Variants in PDGFC observed in about 807,000 individuals in gnomAD.
PDGFC encodes platelet derived growth factor C.
PDGFC carries 12 observed loss-of-function variants against 35.5 expected under a neutral mutation model. The ratio of observed to expected loss-of-function variants is 0.34; its 90% confidence interval spans 0.22 to 0.55. The LOEUF (loss-of-function observed/expected upper bound fraction) is 0.55. PDGFC is among the 20% of genes least tolerant of loss of function. The probability of loss-of-function intolerance (pLI) is 0.91; values close to 1 mark genes in which losing one functional copy is unlikely to be tolerated. For missense variants in PDGFC, 322 were observed against 412.4 expected (o/e 0.78, Z 1.90); for synonymous variants, 159 against 148.8 (o/e 1.07, Z -0.50).
chr4:156,925,851 G>C (rs750959380), intron 1 of PDGFC, among the ~76,000 whole-genome samples: 30 of 151,290 alleles, frequency 2.0e-4, no homozygotes, highest in Non-Finnish European at 2.7e-4. Context: ...AGTAGTTTGA[G>C]ACCAGCCTGG....
chr4:156,908,642 A>G (rs949801476), intron 1 of PDGFC, among the ~76,000 whole-genome samples: 1 of 152,166 alleles, frequency 6.6e-6, no homozygotes, highest in African/African-American at 2.4e-5. Context: ...AATCCTTTCA[A>G]TGACCTCTTT....
chr4:156,947,917 A>G (rs897321411), intron 1 of PDGFC, among the ~76,000 whole-genome samples: 8 of 151,984 alleles, frequency 5.3e-5, no homozygotes, highest in African/African-American at 1.9e-4. Context: ...TGGTTGACGG[A>G]CATTCTATGC....
At chr4:156,813,977 G>A (rs1250502614) in intron 2 of PDGFC, among the ~76,000 whole-genome samples, 1 of 152,062 alleles carries the variant, frequency 6.6e-6, no homozygotes, top group Non-Finnish European at 1.5e-5. Flanking sequence ...CTACACCCCA[G>A]GCACATAGTA....
chr4:156,865,733 T>TC (rs1337446084), intron 1 of PDGFC, among the ~76,000 whole-genome samples: 1 of 152,200 alleles, frequency 6.6e-6, no homozygotes, highest in Non-Finnish European at 1.5e-5. Context: ...AGGCATAGAT[T>TC]GATGACAAAG....
intron 1 of PDGFC, among the ~76,000 whole-genome samples, chr4:156,891,783 G>A (rs535144259): frequency 6.6e-6 from 1 of 152,290 alleles, no homozygotes; most frequent in Admixed American, 6.5e-5. Flanking sequence ...GTGACTACAG[G>A]TAGCTGGCTT....
At chr4:156,924,173 C>T (rs948759920) in intron 1 of PDGFC, among the ~76,000 whole-genome samples, 1 of 152,140 alleles carries the variant, frequency 6.6e-6, no homozygotes, top group Non-Finnish European at 1.5e-5. Flanking sequence ...CTGCAAAGCG[C>T]TCCATATAAA....
chr4:156,850,448 T>A, intron 1 of PDGFC, 32 bp from the exon 2 acceptor site: 1 of 1,310,156 alleles, frequency 7.6e-7, no homozygotes, highest in Non-Finnish European at 1.1e-6. Flanking sequence ...TAGACATACA[T>A]TTAGATTTCA....
intron 1 of PDGFC, among the ~76,000 whole-genome samples, chr4:156,917,250 T>C (rs1731174221): frequency 2.6e-5 from 4 of 152,140 alleles, no homozygotes; most frequent in Admixed American, 2.6e-4. Flanking sequence ...TGGGGAAAAA[T>C]ATTACTAGAA....
chr4:156,895,189 C>A (rs17231237), intron 1 of PDGFC, among the ~76,000 whole-genome samples: 7,495 of 152,202 alleles, frequency 0.049, 195 homozygotes, highest in Middle Eastern at 0.085. Flanking sequence ...TAATAAGGGG[C>A]AATGACAGAC....
chr4:156,966,930 C>T (rs764682118), intron 1 of PDGFC, among the ~76,000 whole-genome samples: 29 of 152,046 alleles, frequency 1.9e-4, no homozygotes, highest in Non-Finnish European at 4.1e-4. Context: ...TAATCACCTA[C>T]TGTGAAAAGA....
At chr4:156,888,362 T>G (rs7674946) in intron 1 of PDGFC, among the ~76,000 whole-genome samples, 11,013 of 152,250 alleles carry the variant, frequency 0.072, 1,300 homozygotes, top group African/African-American at 0.25. Flanking sequence ...CAATGTTCAA[T>G]AATCAACTTT....
At chr4:156,965,551 A>G (rs1732445587) in intron 1 of PDGFC, among the ~76,000 whole-genome samples, 1 of 152,090 alleles carries the variant, frequency 6.6e-6, no homozygotes, top group Non-Finnish European at 1.5e-5. Context: ...GAGGAAGTGA[A>G]TCATTTAATC....
At chr4:156,828,330 T>C (rs1335611914) in intron 2 of PDGFC, among the ~76,000 whole-genome samples, 1 of 152,226 alleles carries the variant, frequency 6.6e-6, no homozygotes, top group African/African-American at 2.4e-5. Context: ...TTATGTCCTT[T>C]ACTTCTTAAC....
intron 1 of PDGFC, among the ~76,000 whole-genome samples, chr4:156,906,729 C>T (rs984606989): frequency 6.6e-6 from 1 of 152,196 alleles, no homozygotes; most frequent in African/African-American, 2.4e-5. Flanking sequence ...TTCCTCTTTG[C>T]AGACTTAGGT....
At chr4:156,802,799 A>G (rs1296090251) in intron 3 of PDGFC, among the ~76,000 whole-genome samples, 1 of 152,120 alleles carries the variant, frequency 6.6e-6, no homozygotes, top group African/African-American at 2.4e-5. Context: ...ACAGGCACAG[A>G]ATGTCCAATC....
chr4:156,924,851 T>C (rs543949556), intron 1 of PDGFC, among the ~76,000 whole-genome samples: 1 of 152,198 alleles, frequency 6.6e-6, no homozygotes, highest in East Asian at 1.9e-4. Flanking sequence ...CAGTTAAGTC[T>C]GGGCAATCTT....
Position 156,772,726 on chromosome 4 carries a change from T to G in PDGFC, c.663A>C (p.Gln221His), listed in dbSNP as rs1278553883. Reference protein sequence around the residue: ...DLEDLYRPTWQLLGKAFVFGR... With the variant: ...DLEDLYRPTWHLLGKAFVFGR... ...CAAAAACAAAAGCCTTGCCAAGAAG[T>G]TGCCAAGTTGGCCTATATAGATCTT... is the stretch of plus-strand genomic sequence containing the variant. The change falls in exon 4 of 6, where the codon CAA becomes CAC. Residue 221 changes from glutamine (Q) to histidine (H), a missense_variant. Transcript: ENST00000502773. The G allele has an allele frequency of 6.2e-7, 1 of 1,613,460 alleles. No homozygotes were observed. Among genetic ancestry groups the G allele is most frequent in the Non-Finnish European group, 8.5e-7 (1 of 1,179,666 alleles).
rs1729948975 is a variant in PDGFC, at chr4:156,870,297, T to C, written c.119-19881A>G. The stretch of plus-strand genomic sequence containing the variant: ...CTTAATAGGATTTTTTTTCCTCTCC[T>C]TCCACCTCTTACCCATGTATTGCCT... On this transcript the variant is annotated intron_variant, in intron 1 of 5. Coordinates refer to ENST00000502773, the MANE Select transcript of PDGFC (RefSeq NM_016205.3). Among the ~76,000 whole-genome samples, 3 of 152,142 alleles carry C rather than the reference T, an allele frequency of 2.0e-5. No individual in the cohort carries two copies. In the South Asian group the frequency reaches 6.2e-4, roughly 31 times the overall value.
At chr4:156,892,762 T>C (rs1579081816) in intron 1 of PDGFC, among the ~76,000 whole-genome samples, 1 of 152,226 alleles carries the variant, frequency 6.6e-6, no homozygotes, top group African/African-American at 2.4e-5. Flanking sequence ...TGACATAAAT[T>C]GAACTGCATA....
Sources: gnomAD v4.1 joint callset for allele counts (sites outside exome capture counted in the v4.1 genomes callset) on GRCh38, gnomAD v4.1.1 for gene constraint, MANE v1.5 for transcripts, NCBI Gene and HGNC (gene_info 2026-07-23, HGNC 2026-07-21) for gene names.